Variants in OR7E24 observed in about 807,000 individuals in gnomAD.
The protein encoded by OR7E24 is olfactory receptor 7E24.
For missense variants in OR7E24, 385 were observed against 410.3 expected, an observed-to-expected ratio of 0.94 and a Z score of 0.53; for synonymous variants, 130 against 157.5, an observed-to-expected ratio of 0.83 and a Z score of 1.31.
chr19:9,242,613 A>G (rs953480065), upstream of OR7E24, among the ~76,000 whole-genome samples: 9 of 152,238 alleles, frequency 5.9e-5, no homozygotes, highest in Non-Finnish European at 1.2e-4. Flanking sequence ...AGAAGCAGAT[A>G]GAGGTGAACT....
the OR7E24 span, among the ~76,000 whole-genome samples, chr19:9,237,592 G>C: frequency 6.6e-6 from 1 of 152,160 alleles, no homozygotes; most frequent in Non-Finnish European, 1.5e-5. Flanking sequence ...TGGGATTACA[G>C]GCATGAGCCA....
the OR7E24 span, among the ~76,000 whole-genome samples, chr19:9,223,837 T>C: frequency 1.3e-5 from 2 of 151,662 alleles, no homozygotes; most frequent in African/African-American, 4.9e-5. Context: ...GTGAATGCCA[T>C]TGGGATCTGC....
In OR7E24 at chr19:9,251,461, C is replaced by T. The variant is rs762675809; in HGVS notation, c.418C>T (p.Arg140Trp). Residue 140 changes from arginine to tryptophan, a missense_variant, in exon 1 of 1, where the codon CGG becomes TGG. Coordinates refer to ENST00000456448, the MANE Select transcript of OR7E24 (RefSeq NM_001079935.2). ...GCTCCTGAGTGTGATGGCCTATGACCGGTTTGTGGCCATCTGTCACCCCCT... is the reference window on the plus strand; with the variant it reads ...GCTCCTGAGTGTGATGGCCTATGACTGGTTTGTGGCCATCTGTCACCCCCT... ...DMLLSVMAYD[R>W]FVAICHPLHY... 12 of 1,614,030 alleles carry T rather than the reference C, an allele frequency of 7.4e-6. No individual in the cohort carries two copies. The Admixed American group carries it at 8.3e-5, about 11-fold the overall frequency.
At chr19:9,217,293 A>C in the OR7E24 span, among the ~76,000 whole-genome samples, 1 of 152,240 alleles carries the variant, frequency 6.6e-6, no homozygotes, top group East Asian at 1.9e-4. Context: ...GTTTGATATA[A>C]AAATTTAAAA....
At chr19:9,245,792 G>C (rs113839033), upstream of OR7E24, among the ~76,000 whole-genome samples, 2,132 of 152,152 alleles carry the variant, frequency 0.014, 39 homozygotes, top group African/African-American at 0.048. Flanking sequence ...TCACGAAAAC[G>C]AGTTGACCTT....
At chr19:9,228,064 T>C in the OR7E24 span, among the ~76,000 whole-genome samples, 1 of 152,234 alleles carries the variant, frequency 6.6e-6, no homozygotes, top group Non-Finnish European at 1.5e-5. Flanking sequence ...GAATGGTATT[T>C]CTGTCTTTAG....
the OR7E24 span, among the ~76,000 whole-genome samples, chr19:9,222,198 C>A: frequency 6.6e-6 from 1 of 152,144 alleles, no homozygotes; most frequent in Admixed American, 6.6e-5. Flanking sequence ...TATGCCAGCA[C>A]CATGCTGTTT....
In OR7E24 at chr19:9,251,447, T is replaced by A. The variant is rs375162747; in HGVS notation, c.404T>A (p.Val135Glu). Residue 135 changes from valine to glutamate, a missense_variant, in exon 1 of 1, where the codon GTG (valine) becomes GAG (glutamate). Val to Glu is a moderately radical substitution (Grantham distance 121, BLOSUM62 -2). Coordinates refer to ENST00000456448, the MANE Select transcript of OR7E24 (RefSeq NM_001079935.2). ...TGTATGGATGACATGCTCCTGAGTG[T>A]GATGGCCTATGACCGGTTTGTGGCC... is the stretch of plus-strand genomic sequence containing the variant. ...FACMDDMLLS[V>E]MAYDRFVAIC... 17 of 1,614,104 alleles carry A rather than the reference T, an allele frequency of 1.1e-5. No homozygotes were observed. The African/African-American group carries it at 2.3e-4, about 22-fold the overall frequency.
chr19:9,218,248 T>C, the OR7E24 span, among the ~76,000 whole-genome samples: 3 of 147,610 alleles, frequency 2.0e-5, no homozygotes, highest in East Asian at 6.0e-4. Context: ...AATATAGACA[T>C]AAATTTAATA....
At chr19:9,232,862 C>T in the OR7E24 span, among the ~76,000 whole-genome samples, 1 of 152,236 alleles carries the variant, frequency 6.6e-6, no homozygotes, top group Admixed American at 6.5e-5. Context: ...GTACCATGTA[C>T]ACCTCTGGAA....
In OR7E24 at chr19:9,252,124, T is replaced by C; in HGVS notation, c.*61T>C. ...TTCTGCCTCCTTGGTCACATTATTT[T>C]GGTTGCTTGATGGCTTTCATTCCTC... is the stretch of plus-strand genomic sequence containing the variant. On this transcript the variant is annotated 3_prime_UTR_variant, in exon 1 of 1. Coordinates refer to ENST00000456448, the MANE Select transcript of OR7E24 (RefSeq NM_001079935.2). 2 of 1,425,172 alleles carry C rather than the reference T, an allele frequency of 1.4e-6. No individual in the cohort carries two copies. Among genetic ancestry groups the C allele is most frequent in the Non-Finnish European group, 1.9e-6 (2 of 1,048,582 alleles). The allele number at this position is 1,425,172 out of a possible 1,614,324, so 88.3% of individuals were successfully genotyped here.
the OR7E24 span, among the ~76,000 whole-genome samples, chr19:9,242,159 G>A: frequency 6.6e-6 from 1 of 152,196 alleles, no homozygotes; most frequent in African/African-American, 2.4e-5. Context: ...TCATACAATA[G>A]TCAAGGCAAC....
At chr19:9,242,365 G>A (rs2144932482), upstream of OR7E24, among the ~76,000 whole-genome samples, 1 of 152,236 alleles carries the variant, frequency 6.6e-6, no homozygotes, top group East Asian at 1.9e-4. Flanking sequence ...TTGTGTCTCA[G>A]CCTCCCAAGT....
the OR7E24 span, among the ~76,000 whole-genome samples, chr19:9,241,316 T>C: frequency 7.9e-5 from 12 of 152,142 alleles, no homozygotes; most frequent in South Asian, 2.1e-4. Context: ...AGAGAGATCA[T>C]TGGGTTTATA....
the OR7E24 span, among the ~76,000 whole-genome samples, chr19:9,239,358 G>C: frequency 1.3e-5 from 2 of 151,980 alleles, no homozygotes; most frequent in Non-Finnish European, 2.9e-5. Context: ...TTTTTTAGTA[G>C]AGACGGGGCT....
the OR7E24 span, among the ~76,000 whole-genome samples, chr19:9,241,885 A>G: frequency 6.6e-6 from 1 of 152,124 alleles, no homozygotes; most frequent in Non-Finnish European, 1.5e-5. Context: ...CTTTTGCTAC[A>G]TGTTTTTACT....
At chr19:9,217,454 C>T in the OR7E24 span, among the ~76,000 whole-genome samples, 117 of 152,220 alleles carry the variant, frequency 7.7e-4, no homozygotes, top group Non-Finnish European at 1.4e-3. Flanking sequence ...CACTGAAGAC[C>T]AACTTTAGTC....
chr19:9,247,624 C>T (rs1426854755), upstream of OR7E24: 9 of 398,244 alleles, frequency 2.3e-5, no homozygotes, highest in East Asian at 2.1e-4. Flanking sequence ...TCAGCTCAGA[C>T]GACTGTGGAG....
At chr19:9,213,858 G>A in the OR7E24 span, 1 of 1,383,410 alleles carries the variant, frequency 7.2e-7, no homozygotes, top group Admixed American at 1.9e-5. Context: ...TTTGCCTTAG[G>A]GGTACGCAGT....
Sources: gnomAD v4.1 joint callset for allele counts (sites outside exome capture counted in the v4.1 genomes callset) on GRCh38, gnomAD v4.1.1 for gene constraint, MANE v1.5 for transcripts, NCBI Gene and HGNC (gene_info 2026-07-23, HGNC 2026-07-21) for gene names.